Variants in ZNF676 observed in about 807,000 individuals in gnomAD.
ZNF676 encodes the protein zinc finger protein 676.
A neutral mutation model predicts 6.0 loss-of-function variants in ZNF676; 4 were observed. The observed-to-expected ratio is 0.67, with a 90% CI of 0.33 to 1.53. The LOEUF (loss-of-function observed/expected upper bound fraction) is 1.53. Among genes scored for constraint, ZNF676 ranks in the 40% most tolerant of loss-of-function variants. The pLI is 0.06. For synonymous variants in ZNF676, 198 were observed against 223.1 expected (o/e 0.89, Z 1.00); for missense variants, 644 against 679.7 (o/e 0.95, Z 0.58).
the ZNF676 span, among the ~76,000 whole-genome samples, chr19:22,231,259 A>G: frequency 2.9e-3 from 446 of 152,256 alleles, 2 homozygotes; most frequent in African/African-American, 0.01. Context: ...AAGTAAAAGC[A>G]TATCAGTACA....
At chr19:22,201,731 CAAAAAAAAAAAAAAAAAA>C (rs35526921), upstream of ZNF676, among the ~76,000 whole-genome samples, 1 of 76,216 alleles carries the variant, frequency 1.3e-5, no homozygotes, top group Non-Finnish European at 2.5e-5. Context: ...TTTGTAAAGG[CAAAAAAAAAAAAAAAAAA>C]AAAAAAAAAG....
At chr19:22,207,994 A>C (rs979156809) in intron 1 of ZNF676, among the ~76,000 whole-genome samples, 1 of 151,482 alleles carries the variant, frequency 6.6e-6, no homozygotes, top group African/African-American at 2.4e-5. Flanking sequence ...AAAAAAAAAA[A>C]AAACAAAAAA....
chr19:22,183,926 G>C (rs2023795945), intron 2 of ZNF676, among the ~76,000 whole-genome samples: 1 of 152,228 alleles, frequency 6.6e-6, no homozygotes, highest in African/African-American at 2.4e-5. Flanking sequence ...ATGTGTGTAT[G>C]TGTGTGTCTC....
chr19:22,254,089 T>G, the ZNF676 span, among the ~76,000 whole-genome samples: 1 of 152,174 alleles, frequency 6.6e-6, no homozygotes, highest in Non-Finnish European at 1.5e-5. Context: ...AGCAGCAGAT[T>G]CACATCACAT....
intron 1 of ZNF676, among the ~76,000 whole-genome samples, chr19:22,214,700 C>A (rs928650134): frequency 6.6e-6 from 1 of 151,424 alleles, no homozygotes; most frequent in African/African-American, 2.4e-5. Flanking sequence ...TGCCAATTAA[C>A]CTCTGATTAC....
chr19:22,219,690 C>G (rs1460570588), upstream of ZNF676, among the ~76,000 whole-genome samples: 1 of 151,636 alleles, frequency 6.6e-6, no homozygotes, highest in Non-Finnish European at 1.5e-5. Flanking sequence ...GAGTCTCGCT[C>G]TGTCACCCAG....
At chr19:22,259,990 A>T in the ZNF676 span, among the ~76,000 whole-genome samples, 1 of 147,758 alleles carries the variant, frequency 6.8e-6, no homozygotes, top group South Asian at 2.1e-4. Context: ...GATATGCCGC[A>T]ATCCAATTTG....
chr19:22,179,793 C>T lies in ZNF676; in HGVS notation c.*157G>A. The stretch of plus-strand genomic sequence containing the variant: ...CACATTCTTCACGTTTGTAGTGTTT[C>T]TCTCCAGCATGAATTTTCTTATGTG... On this transcript the variant is annotated 3_prime_UTR_variant, in exon 3 of 3. Transcript: ENST00000397121. The T allele has an allele frequency of 1.1e-6, 1 of 911,940 alleles. No homozygotes were observed. Among genetic ancestry groups the T allele is most frequent in the Non-Finnish European group, 1.8e-6 (1 of 565,306 alleles). 56.5% of individuals were successfully genotyped at this position (911,940 alleles called of 1,614,324 possible).
chr19:22,240,498 A>G, the ZNF676 span, among the ~76,000 whole-genome samples: 5 of 151,934 alleles, frequency 3.3e-5, no homozygotes, highest in South Asian at 6.2e-4. Context: ...GAACATAGGA[A>G]AAAGAGAAGC....
upstream of ZNF676, among the ~76,000 whole-genome samples, chr19:22,201,641 A>G (rs2024026573): frequency 6.6e-6 from 1 of 150,672 alleles, no homozygotes; most frequent in Admixed American, 6.7e-5. Flanking sequence ...TATTTGGGTC[A>G]AGCTTAAGGA....
At chr19:22,231,722 C>T in the ZNF676 span, among the ~76,000 whole-genome samples, 156 of 151,500 alleles carry the variant, frequency 1.0e-3, 3 homozygotes, top group Admixed American at 9.5e-3. Flanking sequence ...CCTGCCTCAG[C>T]CTCCCAAGTA....
intron 1 of ZNF676, among the ~76,000 whole-genome samples, chr19:22,206,633 C>A (rs62118345): frequency 0.018 from 2,667 of 152,058 alleles, 32 homozygotes; most frequent in Middle Eastern, 0.031. Context: ...CAAGATTGCA[C>A]CACTGCACTC....
chr19:22,246,174 A>T, the ZNF676 span, among the ~76,000 whole-genome samples: 1 of 152,182 alleles, frequency 6.6e-6, no homozygotes. Context: ...GGTGATTAAA[A>T]AAAGAAAAAA....
At chr19:22,221,339 T>G in the ZNF676 span, among the ~76,000 whole-genome samples, 1 of 152,230 alleles carries the variant, frequency 6.6e-6, no homozygotes, top group Non-Finnish European at 1.5e-5. Context: ...CAATTATTCA[T>G]GAGCAGTTTA....
chr19:22,183,128 T>C (rs778600457), intron 2 of ZNF676, among the ~76,000 whole-genome samples: 1 of 151,738 alleles, frequency 6.6e-6, no homozygotes, highest in African/African-American at 2.4e-5. Flanking sequence ...AAAAAATCTG[T>C]ATACATACAC....
At chr19:22,214,137 A>G (rs554662405) in intron 1 of ZNF676, among the ~76,000 whole-genome samples, 70 of 152,304 alleles carry the variant, frequency 4.6e-4, no homozygotes, top group African/African-American at 1.6e-3. Flanking sequence ...GGAACTGGAA[A>G]TTAAGTATTT....
At chr19:22,258,975 TG>T in the ZNF676 span, among the ~76,000 whole-genome samples, 5 of 152,166 alleles carry the variant, frequency 3.3e-5, no homozygotes, top group Non-Finnish European at 7.4e-5. Flanking sequence ...AGCTTCTATT[TG>T]TCCTGCACGC....
the ZNF676 span, among the ~76,000 whole-genome samples, chr19:22,255,413 A>G: frequency 3.7e-3 from 564 of 152,252 alleles, 2 homozygotes; most frequent in African/African-American, 0.013. Context: ...GAGAGCCACA[A>G]TCCAGCTTGA....
intron 1 of ZNF676, among the ~76,000 whole-genome samples, chr19:22,202,801 C>A (rs2024039015): frequency 6.6e-6 from 1 of 152,190 alleles, no homozygotes; most frequent in African/African-American, 2.4e-5. Flanking sequence ...TGGTTATAAT[C>A]AATGACAAAG....
Sources: gnomAD v4.1 joint callset for allele counts (sites outside exome capture counted in the v4.1 genomes callset) on GRCh38, gnomAD v4.1.1 for gene constraint, MANE v1.5 for transcripts, NCBI Gene and HGNC (gene_info 2026-07-23, HGNC 2026-07-21) for gene names.